Variants in TAOK3 observed in about 807,000 individuals in gnomAD.
The protein encoded by TAOK3 is serine/threonine-protein kinase TAO3.
Under a neutral mutation model 120.4 loss-of-function variants are expected in TAOK3, and 40 were observed. The observed-to-expected ratio is 0.33, with a 90% CI of 0.26 to 0.43. The LOEUF is 0.43. Among genes scored for constraint, TAOK3 ranks in the 20% least tolerant of loss-of-function variants. The pLI, the probability that TAOK3 is intolerant of heterozygous loss-of-function variation, is 1.00. For missense variants in TAOK3, 821 were observed against 1,112.1 expected, an observed-to-expected ratio of 0.74 and a Z score of 3.72; for synonymous variants, 355 against 387.5, an observed-to-expected ratio of 0.92 and a Z score of 0.99.
In TAOK3 at chr12:118,160,868, T is replaced by C. The variant is rs764796424; in HGVS notation, c.2140-510A>G. ...AACTCCATAAAGGAGAGTATATGGA[T>C]GGTACCTTATATCCTAACGCATTTC... On this transcript the variant is annotated intron_variant, in intron 18 of 20. Transcript: ENST00000392533. This position sits in a 1 kb window ranked among gnomAD's most constrained non-coding sequence, Gnocchi z 4.2. Among the ~76,000 whole-genome samples, 9 of 152,326 alleles carry C rather than the reference T, an allele frequency of 5.9e-5. No individual in the cohort carries two copies. The highest frequency in any genetic ancestry group is 1.3e-4 in the Non-Finnish European group (9 of 68,030).
At chr12:118,307,635 T>C (rs541827574) in intron 1 of TAOK3, among the ~76,000 whole-genome samples, 1 of 152,240 alleles carries the variant, frequency 6.6e-6, no homozygotes, top group South Asian at 2.1e-4. Flanking sequence ...TTCCTTCCAC[T>C]GCTAGACAAA....
chr12:118,369,023 A>G (rs1194142279), intron 1 of TAOK3, among the ~76,000 whole-genome samples: 2 of 139,954 alleles, frequency 1.4e-5, no homozygotes, highest in African/African-American at 5.3e-5. Flanking sequence ...AAAAAAAAAA[A>G]GAAGAAGAAG....
chr12:118,197,897 C>T (rs957959558), intron 13 of TAOK3, among the ~76,000 whole-genome samples: 13 of 152,022 alleles, frequency 8.6e-5, no homozygotes, highest in South Asian at 2.1e-4. Flanking sequence ...CCATGTTAGC[C>T]GGGATGGTCT....
At chr12:118,256,745 T>C (rs2041005373) in intron 2 of TAOK3, among the ~76,000 whole-genome samples, 1 of 152,132 alleles carries the variant, frequency 6.6e-6, no homozygotes, top group Non-Finnish European at 1.5e-5. Context: ...AAGTAGATTA[T>C]TGGTTAGAGA....
chr12:118,338,786 CAAAAAAAAAAA>C lies in TAOK3; in HGVS notation c.-194+33851_-194+33861del, dbSNP rs71069438. 3.8e-4 allele frequency among the ~76,000 whole-genome samples: 19 copies of C among 49,856 alleles called. 1 individual carries two copies. Among genetic ancestry groups the C allele is most frequent in the South Asian group, 1.9e-3 (2 of 1,062 alleles). 32.7% of individuals were successfully genotyped at this position (49,856 alleles called of 152,430 possible). A position where few individuals can be genotyped will look rare whatever the true frequency, so the allele number is the denominator to read the frequency against. ...TGGTCGACAGAGTGAGACTCCGTCT[CAAAAAAAAAAA>C]AAAAAAAAAAAAAAAAAGAGAAAAC... On this transcript the variant is annotated intron_variant, in intron 1 of 20. Coordinates refer to ENST00000392533, the MANE Select transcript of TAOK3 (RefSeq NM_016281.4).
intron 9 of TAOK3, among the ~76,000 whole-genome samples, chr12:118,218,007 A>T (rs1034077555): frequency 3.3e-5 from 5 of 149,836 alleles, no homozygotes; most frequent in African/African-American, 1.2e-4. Flanking sequence ...CTACAGGCGC[A>T]TGCCACCACG....
At chr12:118,207,322 G>A (rs1292215694) in intron 11 of TAOK3, among the ~76,000 whole-genome samples, 18 of 141,974 alleles carry the variant, frequency 1.3e-4, no homozygotes, top group Non-Finnish European at 2.3e-4. Context: ...GCGAAACTCC[G>A]TCTCAGGAAA....
chr12:118,257,084 TTA>T (rs1466780252), intron 2 of TAOK3, among the ~76,000 whole-genome samples: 2 of 152,216 alleles, frequency 1.3e-5, no homozygotes, highest in Non-Finnish European at 2.9e-5. Flanking sequence ...TGTCTTAATT[TTA>T]TAGAACCAAC....
intron 1 of TAOK3, among the ~76,000 whole-genome samples, chr12:118,348,410 A>T (rs923974744): frequency 6.6e-6 from 1 of 151,876 alleles, no homozygotes; most frequent in Admixed American, 6.6e-5. Flanking sequence ...CCAGCCTCTG[A>T]GCTAAAGTCT....
At chr12:118,181,673 T>C in intron 14 of TAOK3, 66 bp from the exon 15 acceptor site, 3 of 1,383,542 alleles carry the variant, frequency 2.2e-6, no homozygotes, top group African/African-American at 1.4e-5. Flanking sequence ...TCATGCAAAG[T>C]AGAACGGCCC....
chr12:118,254,329 T>TC (rs904640373), intron 3 of TAOK3, among the ~76,000 whole-genome samples: 1 of 152,114 alleles, frequency 6.6e-6, no homozygotes, highest in Non-Finnish European at 1.5e-5. Context: ...CATCCATCCA[T>TC]CCATCCACCC....
At chr12:118,217,797 ATGTGTG>A (rs1173463113) in intron 9 of TAOK3, among the ~76,000 whole-genome samples, 6 of 65,246 alleles carry the variant, frequency 9.2e-5, no homozygotes, top group African/African-American at 3.0e-4. Context: ...GTATGTATGT[ATGTGTG>A]TGTGTGTGTA....
chr12:118,269,662 G>A (rs930004755), intron 1 of TAOK3, among the ~76,000 whole-genome samples: 2 of 151,970 alleles, frequency 1.3e-5, no homozygotes, highest in Non-Finnish European at 2.9e-5. Context: ...GAGCCACTGC[G>A]CCCAGCCCAC....
intron 9 of TAOK3, among the ~76,000 whole-genome samples, chr12:118,230,019 A>G (rs2039693238): frequency 6.6e-6 from 1 of 152,216 alleles, no homozygotes. Flanking sequence ...AATCTTCATA[A>G]CAACCCCACA....
At chr12:118,249,873 C>G (rs1288850955) in intron 3 of TAOK3, among the ~76,000 whole-genome samples, 3 of 151,984 alleles carry the variant, frequency 2.0e-5, no homozygotes, top group Non-Finnish European at 2.9e-5. Context: ...AGTGAAAAAG[C>G]TTTCTTTTTG....
At chr12:118,239,160 G>T in intron 6 of TAOK3, 67 bp downstream of exon 6, 1 of 1,035,416 alleles carries the variant, frequency 9.7e-7, no homozygotes, top group Non-Finnish European at 1.5e-6. Flanking sequence ...CTACACTTTA[G>T]TATGGCGGTA....
intron 1 of TAOK3, among the ~76,000 whole-genome samples, chr12:118,357,773 C>A (rs932477289): frequency 6.6e-6 from 1 of 152,114 alleles, no homozygotes; most frequent in Non-Finnish European, 1.5e-5. Flanking sequence ...AAAGGCCTCT[C>A]AATGAAAGCT....
chr12:118,262,522 G>A (rs1381144355), intron 2 of TAOK3, among the ~76,000 whole-genome samples: 2 of 151,602 alleles, frequency 1.3e-5, no homozygotes, highest in African/African-American at 4.8e-5. Flanking sequence ...AAATATCATG[G>A]TAGCATAAAA....
chr12:118,158,300 C>A (rs2034979627), intron 19 of TAOK3, among the ~76,000 whole-genome samples: 1 of 152,200 alleles, frequency 6.6e-6, no homozygotes, highest in Non-Finnish European at 1.5e-5. Context: ...CAGATCTCAT[C>A]CATTCCTACC....
Sources: allele counts gnomAD v4.1 joint callset (sites outside exome capture counted in the v4.1 genomes callset), GRCh38; gene constraint gnomAD v4.1.1; non-coding constraint Gnocchi (gnomAD v3.1); transcripts MANE v1.5; gene names NCBI Gene and HGNC (gene_info 2026-07-23, HGNC 2026-07-21).